GPR19: variants seen among roughly 807,000 people sequenced by gnomAD.
GPR19 encodes the protein probable G protein-coupled receptor 19.
GPR19 carries 14 observed loss-of-function variants against 28.5 expected under a neutral mutation model. The observed-to-expected ratio is 0.49, with a 90% CI of 0.32 to 0.77. The LOEUF is 0.77. Among genes scored for constraint, GPR19 ranks in the 30% least tolerant of loss-of-function variants. GPR19 has a pLI of 0.03. For missense variants in GPR19, 409 were observed against 504.1 expected, an observed-to-expected ratio of 0.81 and a Z score of 1.81; for synonymous variants, 173 against 184.1, an observed-to-expected ratio of 0.94 and a Z score of 0.49.
intron 2 of GPR19, among the ~76,000 whole-genome samples, chr12:12,686,976 T>C (rs1228634249): frequency 6.6e-6 from 1 of 152,262 alleles, no homozygotes; most frequent in Non-Finnish European, 1.5e-5. Context: ...CATAATATAC[T>C]AATTCTGCTT....
At chr12:12,706,239 C>T in the GPR19 span, among the ~76,000 whole-genome samples, 2 of 152,342 alleles carry the variant, frequency 1.3e-5, no homozygotes, top group African/African-American at 4.8e-5. Context: ...CTTGACCTAT[C>T]AGTGGCATTG....
At chr12:12,706,789 T>C in the GPR19 span, among the ~76,000 whole-genome samples, 1 of 152,186 alleles carries the variant, frequency 6.6e-6, no homozygotes, top group Non-Finnish European at 1.5e-5. Flanking sequence ...CTCTCTACCC[T>C]TCTTTTCATG....
intron 3 of GPR19, among the ~76,000 whole-genome samples, chr12:12,680,645 C>T (rs868055532): frequency 2.6e-5 from 4 of 151,836 alleles, no homozygotes; most frequent in Non-Finnish European, 4.4e-5. Context: ...GACCTGGGAC[C>T]GCAGGTGTGT....
Position 12,678,784 on chromosome 12 carries a change from T to G in GPR19, c.-23+5567A>C, listed in dbSNP as rs146402978. ...TGAAAAGTAATGGCAAAAACTGCAA[T>G]TACTTTCGCACCAGCCTAATATTTT... On this transcript the variant is annotated intron_variant, in intron 3 of 3. Transcript: ENST00000651487. 9.6e-4 allele frequency among the ~76,000 whole-genome samples: 147 copies of G among 152,332 alleles called. 1 individual carries two copies. Among genetic ancestry groups the G allele is most frequent in the African/African-American group, 3.3e-3 (138 of 41,568 alleles).
intron 2 of GPR19, among the ~76,000 whole-genome samples, chr12:12,687,391 A>C (rs1387116184): frequency 6.6e-6 from 1 of 152,172 alleles, no homozygotes; most frequent in Non-Finnish European, 1.5e-5. Context: ...CTTCAGGTAA[A>C]AACTTTCCAA....
At chr12:12,713,020 C>CT in the GPR19 span, among the ~76,000 whole-genome samples, 1 of 151,316 alleles carries the variant, frequency 6.6e-6, no homozygotes, top group South Asian at 2.1e-4. Context: ...AATAAAAGCC[C>CT]TACCTATGCC....
At chr12:12,715,277 A>C in the GPR19 span, among the ~76,000 whole-genome samples, 1 of 152,204 alleles carries the variant, frequency 6.6e-6, no homozygotes, top group Non-Finnish European at 1.5e-5. Context: ...GGCCTACCCT[A>C]ATTTTCCTGT....
chr12:12,694,332 G>A (rs1249609486), intron 2 of GPR19, among the ~76,000 whole-genome samples: 3 of 150,558 alleles, frequency 2.0e-5, no homozygotes, highest in Non-Finnish European at 4.4e-5. Flanking sequence ...TGGAGTAGCT[G>A]GGTCTACAGG....
chr12:12,688,265 T>G (rs1566161476), intron 2 of GPR19, among the ~76,000 whole-genome samples: 1 of 152,196 alleles, frequency 6.6e-6, no homozygotes, highest in Non-Finnish European at 1.5e-5. Flanking sequence ...CATGAAATGA[T>G]GTAACCTACT....
the GPR19 span, chr12:12,717,000 G>A: frequency 1.0e-6 from 1 of 996,934 alleles, no homozygotes; most frequent in Non-Finnish European, 1.2e-6. Flanking sequence ...CGGCTTCCCG[G>A]GCGAGGAGCG....
chr12:12,666,702 C>A (rs719840), intron 3 of GPR19, among the ~76,000 whole-genome samples: 134,800 of 152,274 alleles, frequency 0.89, 59,936 homozygotes, highest in Non-Finnish European at 0.93. Context: ...ATTGCTTATT[C>A]GATGTTTACT....
chr12:12,667,931 T>C (rs1945805926), intron 3 of GPR19, among the ~76,000 whole-genome samples: 1 of 152,154 alleles, frequency 6.6e-6, no homozygotes, highest in Non-Finnish European at 1.5e-5. Context: ...GTGGATATGT[T>C]AGTAAAAATT....
chr12:12,717,242 G>C, the GPR19 span: 2 of 1,054,158 alleles, frequency 1.9e-6, no homozygotes, highest in Non-Finnish European at 2.3e-6. Flanking sequence ...GGAACGAGGG[G>C]AGGTGGCGGA....
upstream of GPR19, among the ~76,000 whole-genome samples, chr12:12,698,313 C>A (rs543378756): frequency 3.3e-5 from 5 of 152,268 alleles, no homozygotes; most frequent in East Asian, 1.9e-4. Context: ...AATATACTTA[C>A]CAAAATTTCC....
At chr12:12,700,830 T>C (rs974591220), upstream of GPR19, among the ~76,000 whole-genome samples, 3 of 152,216 alleles carry the variant, frequency 2.0e-5, no homozygotes, top group Admixed American at 6.5e-5. Flanking sequence ...TAAAAAATAA[T>C]GTAAAAATCT....
At chr12:12,710,612 C>T in the GPR19 span, among the ~76,000 whole-genome samples, 44 of 152,286 alleles carry the variant, frequency 2.9e-4, no homozygotes, top group African/African-American at 9.6e-4. Context: ...CAGTGGTACA[C>T]TATAACATTG....
chr12:12,703,019 T>C, the GPR19 span, among the ~76,000 whole-genome samples: 1 of 152,204 alleles, frequency 6.6e-6, no homozygotes, highest in Non-Finnish European at 1.5e-5. Context: ...TTCCTTTTTT[T>C]GTATGATGTT....
chr12:12,701,208 C>T, the GPR19 span, among the ~76,000 whole-genome samples: 1 of 152,178 alleles, frequency 6.6e-6, no homozygotes, highest in Non-Finnish European at 1.5e-5. Flanking sequence ...CCTCTGTTTG[C>T]ACCAAAGGAA....
rs1946255653 is a variant in GPR19, at chr12:12,696,130, T to G, written c.-298A>C. ...GTGTTGTGTACGTGAATCCATCAGATCAACGCGACGGACACTCCCCAAGGG... is the reference window on the plus strand; with the variant it reads ...GTGTTGTGTACGTGAATCCATCAGAGCAACGCGACGGACACTCCCCAAGGG... On this transcript the variant is annotated 5_prime_UTR_variant, in exon 1 of 4. Coordinates refer to ENST00000651487, the MANE Select transcript of GPR19 (RefSeq NM_006143.3). The G allele has an allele frequency of 6.6e-6, 1 of 152,082 alleles. No homozygotes were observed. Among genetic ancestry groups the G allele is most frequent in the Admixed American group, 6.5e-5 (1 of 15,268 alleles). 9.4% of individuals were successfully genotyped at this position (152,082 alleles called of 1,614,324 possible). A position where few individuals can be genotyped will look rare whatever the true frequency, so the allele number is the denominator to read the frequency against.
Sources: allele counts gnomAD v4.1 joint callset (sites outside exome capture counted in the v4.1 genomes callset), GRCh38; gene constraint gnomAD v4.1.1; transcripts MANE v1.5; gene names NCBI Gene and HGNC (gene_info 2026-07-23, HGNC 2026-07-21).